FBXL7: variants seen among roughly 807,000 people sequenced by gnomAD.
FBXL7 encodes the protein F-box and leucine rich repeat protein 7, also known as F-box/LRR-repeat protein 7.
Under a neutral mutation model 38.3 loss-of-function variants are expected in FBXL7, and 12 were observed. The ratio of observed to expected loss-of-function variants is 0.31; its 90% CI spans 0.20 to 0.51. The LOEUF (loss-of-function observed/expected upper bound fraction) is 0.51. FBXL7 is among the 20% of genes least tolerant of loss of function. The pLI is 0.98. For missense variants in FBXL7, 567 were observed against 676.4 expected, an observed-to-expected ratio of 0.84 and a Z score of 1.79; for synonymous variants, 297 against 300.9, an observed-to-expected ratio of 0.99 and a Z score of 0.13.
At chr5:15,682,913 AG>A (rs1418571204) in intron 2 of FBXL7, among the ~76,000 whole-genome samples, 1 of 152,190 alleles carries the variant, frequency 6.6e-6, no homozygotes, top group Non-Finnish European at 1.5e-5. Context: ...ACAGTAAAAA[AG>A]TTTGAGCATG....
rs751434381 is a variant in FBXL7, at chr5:15,937,132, C to G, written c.1422C>G (p.Val474=). 1.5e-5 allele frequency: 24 copies of G among 1,610,818 alleles called. No individual in the cohort carries two copies. Among genetic ancestry groups the G allele is most frequent in the Non-Finnish European group, 1.9e-5 (22 of 1,177,888 alleles). Residue 474 remains valine, a synonymous_variant, in exon 4 of 4, where the codon GTC becomes GTG. Transcript: ENST00000504595. The part of the protein sequence containing the change: ...CEVSVEALRF[V]KRHCKRCVIE... ...TCTCCGTGGAGGCCCTGCGCTTTGT[C>G]AAACGCCACTGCAAGCGCTGCGTCA...
chr5:15,572,948 G>T lies in FBXL7; in HGVS notation c.38-43035G>T, dbSNP rs181823651. Among the ~76,000 whole-genome samples the T allele has an allele frequency of 2.6e-5, 4 of 152,280 alleles. No individual in the cohort carries two copies. The East Asian group carries it at 7.7e-4, about 29-fold the overall frequency. ...AACCAGGTTTACCCCTGTAAGCGTAGAATTTTTCTTTGTTGGGAGGAGAAT... is the reference window on the plus strand; with the variant it reads ...AACCAGGTTTACCCCTGTAAGCGTATAATTTTTCTTTGTTGGGAGGAGAAT... On this transcript the variant is annotated intron_variant, in intron 1 of 3. Transcript: ENST00000504595.
intron 2 of FBXL7, among the ~76,000 whole-genome samples, chr5:15,685,910 A>T (rs1445869831): frequency 6.6e-6 from 1 of 152,202 alleles, no homozygotes; most frequent in Non-Finnish European, 1.5e-5. Flanking sequence ...TCAAATCTGC[A>T]GTCACCAACC....
chr5:15,633,739 ATATTATTATTATTATTATTATTAT>A lies in FBXL7; in HGVS notation c.127+17684_127+17707del, dbSNP rs35409501. Among the ~76,000 whole-genome samples, 710 of 143,418 alleles carry A rather than the reference ATATTATTATTATTATTATTATTAT, an allele frequency of 5.0e-3. 3 individuals carry two copies. The highest frequency in any genetic ancestry group is 7.5e-3 in the Non-Finnish European group (494 of 66,030). 94.1% of individuals were successfully genotyped at this position (143,418 alleles called of 152,430 possible). On this transcript the variant is annotated intron_variant, in intron 2 of 3. Transcript: ENST00000504595. ...AACTTTTAATCATGTAGGGACACAG[ATATTATTATTATTATTATTATTAT>A]TATTATTATTATTATTTTATTATTT...
intron 1 of FBXL7, among the ~76,000 whole-genome samples, chr5:15,509,274 T>C (rs910342220): frequency 2.0e-5 from 3 of 151,814 alleles, no homozygotes; most frequent in Non-Finnish European, 2.9e-5. Flanking sequence ...GCTTCTTTCT[T>C]TTTTTTTATT....
intron 1 of FBXL7, among the ~76,000 whole-genome samples, chr5:15,595,891 T>C (rs1165974309): frequency 4.6e-5 from 7 of 152,196 alleles, no homozygotes. Context: ...CTTACCTTAG[T>C]TTCTTCATGA....
chr5:15,819,623 A>G (rs1030827426), intron 2 of FBXL7, among the ~76,000 whole-genome samples: 3 of 152,186 alleles, frequency 2.0e-5, no homozygotes, highest in African/African-American at 4.8e-5. Context: ...AAAAGACAAT[A>G]TATTTCTTAG....
chr5:15,654,670 G>A (rs1440994633), intron 2 of FBXL7, among the ~76,000 whole-genome samples: 2 of 152,088 alleles, frequency 1.3e-5, no homozygotes, highest in Non-Finnish European at 2.9e-5. Context: ...GAAACTTCCT[G>A]ATTAGAAAAA....
intron 2 of FBXL7, among the ~76,000 whole-genome samples, chr5:15,649,839 AAG>A (rs1741648527): frequency 6.6e-6 from 1 of 152,112 alleles, no homozygotes; most frequent in African/African-American, 2.4e-5. Context: ...ACTTTGGTAG[AAG>A]TAGCTTGTGC....
In FBXL7 at chr5:15,884,427, C is replaced by T. The variant is rs998359173; in HGVS notation, c.128-43463C>T. Among the ~76,000 whole-genome samples the T allele has an allele frequency of 3.3e-5, 5 of 151,908 alleles. No individual in the cohort carries two copies. The South Asian group carries it at 6.2e-4, about 19-fold the overall frequency. On this transcript the variant is annotated intron_variant, in intron 2 of 3. Coordinates refer to ENST00000504595, the MANE Select transcript of FBXL7 (RefSeq NM_012304.5). ...GACTACAGGTACCTGCTACCACGCC[C>T]GGCTAATTTTTTGTATTTTTAGTAG...
intron 2 of FBXL7, among the ~76,000 whole-genome samples, chr5:15,784,615 A>T (rs748799107): frequency 3.9e-5 from 6 of 152,064 alleles, no homozygotes; most frequent in Non-Finnish European, 8.8e-5. Flanking sequence ...TTCATGAGAC[A>T]GGGGTTGAGT....
chr5:15,673,892 C>T (rs1246147451), intron 2 of FBXL7, among the ~76,000 whole-genome samples: 1 of 152,080 alleles, frequency 6.6e-6, no homozygotes, highest in Non-Finnish European at 1.5e-5. Context: ...AACAATGTGA[C>T]TCAAAGACAA....
chr5:15,817,952 C>G (rs1738064606), intron 2 of FBXL7, among the ~76,000 whole-genome samples: 1 of 152,154 alleles, frequency 6.6e-6, no homozygotes, highest in African/African-American at 2.4e-5. Flanking sequence ...ATAGAGTCAC[C>G]TAGCGCTTAG....
chr5:15,620,001 G>T (rs1740575452), intron 2 of FBXL7, among the ~76,000 whole-genome samples: 1 of 152,144 alleles, frequency 6.6e-6, no homozygotes, highest in South Asian at 2.1e-4. Flanking sequence ...ACATAACCTG[G>T]ACTTAACCTC....
At chr5:15,708,154 C>A (rs1204837940) in intron 2 of FBXL7, among the ~76,000 whole-genome samples, 1 of 152,212 alleles carries the variant, frequency 6.6e-6, no homozygotes, top group Non-Finnish European at 1.5e-5. Flanking sequence ...GGTATCCGAT[C>A]ATGGATGGTA....
intron 1 of FBXL7, among the ~76,000 whole-genome samples, chr5:15,596,132 A>G (rs1739619505): frequency 6.6e-6 from 1 of 152,236 alleles, no homozygotes; most frequent in Non-Finnish European, 1.5e-5. Context: ...TCTTGTCTGT[A>G]AAATCAAGGA....
chr5:15,563,882 G>A (rs1167627059), intron 1 of FBXL7, among the ~76,000 whole-genome samples: 1 of 151,784 alleles, frequency 6.6e-6, no homozygotes, highest in Admixed American at 6.6e-5. Flanking sequence ...CTCCAGAGTT[G>A]TGCCTTTACT....
At chr5:15,845,888 G>A (rs7710026) in intron 2 of FBXL7, among the ~76,000 whole-genome samples, 8 of 152,268 alleles carry the variant, frequency 5.3e-5, no homozygotes, top group South Asian at 2.1e-4. Flanking sequence ...GGAGAATGGC[G>A]TGAACCCCAG....
chr5:15,867,841 C>T (rs1299165094), intron 2 of FBXL7, among the ~76,000 whole-genome samples: 4 of 152,148 alleles, frequency 2.6e-5, no homozygotes, highest in South Asian at 4.1e-4. Flanking sequence ...TGCAGTGGCT[C>T]ATGCCTGTAA....
Sources: allele counts gnomAD v4.1 joint callset (sites outside exome capture counted in the v4.1 genomes callset), GRCh38; gene constraint gnomAD v4.1.1; transcripts MANE v1.5; gene names NCBI Gene and HGNC (gene_info 2026-07-23, HGNC 2026-07-21).